NCOA2: variants seen among roughly 807,000 people sequenced by gnomAD.
NCOA2 encodes nuclear receptor coactivator 2.
Under a neutral mutation model 145.1 loss-of-function variants are expected in NCOA2, and 21 were observed. The observed-to-expected ratio is 0.14, with a 90% CI of 0.10 to 0.21. The LOEUF is 0.21. Among genes scored for constraint, NCOA2 ranks in the 10% least tolerant of loss-of-function variants. NCOA2 has a pLI of 1.00. For missense variants in NCOA2, 1,472 were observed against 1,837.6 expected (o/e 0.80, Z 3.64); for synonymous variants, 619 against 637.5 (o/e 0.97, Z 0.44).
At chr8:70,147,505 C>T (rs1811236834) in intron 12 of NCOA2, among the ~76,000 whole-genome samples, 1 of 152,180 alleles carries the variant, frequency 6.6e-6, no homozygotes, top group African/African-American at 2.4e-5. Context: ...ATCTATCTTT[C>T]ATAAATTATG....
At chr8:70,407,808 C>T (rs561450314), upstream of NCOA2, among the ~76,000 whole-genome samples, 18 of 151,884 alleles carry the variant, frequency 1.2e-4, no homozygotes, top group Non-Finnish European at 2.1e-4. Context: ...GAACATAATG[C>T]ATACTCAATA....
At chr8:70,129,969 C>T (rs761269143) in intron 16 of NCOA2, among the ~76,000 whole-genome samples, 3 of 152,206 alleles carry the variant, frequency 2.0e-5, no homozygotes, top group African/African-American at 4.8e-5. Flanking sequence ...CACGCCCAGC[C>T]TCAAGTTTTC....
At chr8:70,202,932 C>T (rs1397017982) in intron 4 of NCOA2, among the ~76,000 whole-genome samples, 1 of 152,090 alleles carries the variant, frequency 6.6e-6, no homozygotes, top group Non-Finnish European at 1.5e-5. Flanking sequence ...GTAGCTTATG[C>T]CTATAATCCC....
the NCOA2 span, among the ~76,000 whole-genome samples, chr8:70,436,056 TG>T: frequency 6.6e-6 from 1 of 152,200 alleles, no homozygotes; most frequent in Non-Finnish European, 1.5e-5. Context: ...TTTATTCAAC[TG>T]TGTTTAATAA....
At chr8:70,136,929 G>A (rs1167762531) in intron 15 of NCOA2, among the ~76,000 whole-genome samples, 6 of 152,184 alleles carry the variant, frequency 3.9e-5, no homozygotes, top group East Asian at 1.9e-4. Context: ...AACTTTAAAC[G>A]TAATGAAAAT....
At chr8:70,325,686 A>G (rs889866909) in intron 1 of NCOA2, among the ~76,000 whole-genome samples, 14 of 152,196 alleles carry the variant, frequency 9.2e-5, no homozygotes, top group Non-Finnish European at 1.9e-4. Flanking sequence ...TACAGGCGTG[A>G]GCTATCGTGC....
Position 70,358,050 on chromosome 8 carries a change from C to CA in NCOA2, c.-77+45649dup, listed in dbSNP as rs199913561. Among the ~76,000 whole-genome samples, 631 of 149,684 alleles carry CA rather than the reference C, an allele frequency of 4.2e-3. 4 individuals carry two copies. The highest frequency in any genetic ancestry group is 0.014 in the African/African-American group (588 of 40,698). Reference sequence around the variant, plus strand: ...TGGGTGACAAAGCGAGACTCAGTCGCAAAAAAAACAAAACAGAACAACAAC... The same window carrying CA: ...TGGGTGACAAAGCGAGACTCAGTCGCAAAAAAAAACAAAACAGAACAACAAC... On this transcript the variant is annotated intron_variant, in intron 1 of 22. Coordinates refer to ENST00000452400, the MANE Select transcript of NCOA2 (RefSeq NM_006540.4).
At chr8:70,295,207 A>G (rs965393393) in intron 2 of NCOA2, among the ~76,000 whole-genome samples, 2 of 152,214 alleles carry the variant, frequency 1.3e-5, no homozygotes, top group Non-Finnish European at 2.9e-5. Context: ...TAATGAGTTC[A>G]AACACATCAA....
At chr8:70,119,548 T>C (rs187457001) in intron 22 of NCOA2, among the ~76,000 whole-genome samples, 43 of 152,360 alleles carry the variant, frequency 2.8e-4, no homozygotes, top group Admixed American at 8.5e-4. Flanking sequence ...TTTGATATAC[T>C]GACCTTTCTT....
chr8:70,277,598 G>A (rs1825559625), intron 2 of NCOA2, among the ~76,000 whole-genome samples: 1 of 152,054 alleles, frequency 6.6e-6, no homozygotes, highest in South Asian at 2.1e-4. Context: ...TTAAGGGCCA[G>A]ACAGTTGAGT....
chr8:70,448,125 T>C, the NCOA2 span, among the ~76,000 whole-genome samples: 2 of 151,346 alleles, frequency 1.3e-5, no homozygotes, highest in African/African-American at 4.8e-5. Context: ...GCTTATAAAG[T>C]CTCCTGAACA....
chr8:70,387,095 C>T (rs970665179), intron 1 of NCOA2, among the ~76,000 whole-genome samples: 5 of 152,010 alleles, frequency 3.3e-5, no homozygotes, highest in South Asian at 2.1e-4. Context: ...CTTTAACGCC[C>T]GGTCTGGTAA....
chr8:70,218,199 GTTTTT>G (rs34322124), intron 2 of NCOA2, among the ~76,000 whole-genome samples: 3 of 133,880 alleles, frequency 2.2e-5, no homozygotes, highest in African/African-American at 8.6e-5. Context: ...AGTGGAGTTA[GTTTTT>G]TTTTTTTTTT....
At chr8:70,427,596 C>T in the NCOA2 span, among the ~76,000 whole-genome samples, 2 of 152,088 alleles carry the variant, frequency 1.3e-5, no homozygotes, top group East Asian at 3.9e-4. Context: ...TTCTAAAAGC[C>T]CTTACAAAGT....
chr8:70,259,392 C>A (rs1285345180), intron 2 of NCOA2, among the ~76,000 whole-genome samples: 1 of 152,098 alleles, frequency 6.6e-6, no homozygotes, highest in African/African-American at 2.4e-5. Context: ...ATGAAATAGA[C>A]CAGCATAGTG....
At chr8:70,326,172 A>G (rs1806536880) in intron 1 of NCOA2, among the ~76,000 whole-genome samples, 1 of 152,232 alleles carries the variant, frequency 6.6e-6, no homozygotes. Context: ...GTAGTCTACT[A>G]CATGTAATAT....
intron 2 of NCOA2, among the ~76,000 whole-genome samples, chr8:70,225,812 T>C (rs1820580968): frequency 6.6e-6 from 1 of 152,204 alleles, no homozygotes; most frequent in Non-Finnish European, 1.5e-5. Context: ...TTCTCTGGTG[T>C]CAACTCTGGC....
chr8:70,383,250 A>G (rs1812371665), intron 1 of NCOA2, among the ~76,000 whole-genome samples: 1 of 152,160 alleles, frequency 6.6e-6, no homozygotes, highest in Non-Finnish European at 1.5e-5. Context: ...TACAGCAACC[A>G]GATCTAAGAG....
chr8:70,176,528 C>T (rs1413164055), intron 4 of NCOA2, among the ~76,000 whole-genome samples: 1 of 152,188 alleles, frequency 6.6e-6, no homozygotes, highest in African/African-American at 2.4e-5. Flanking sequence ...ACCTCAGGGT[C>T]TCCAGCCACA....
Sources: allele counts gnomAD v4.1 joint callset (sites outside exome capture counted in the v4.1 genomes callset), GRCh38; gene constraint gnomAD v4.1.1; transcripts MANE v1.5; gene names NCBI Gene and HGNC (gene_info 2026-07-23, HGNC 2026-07-21).